FBXL2: variants seen among roughly 807,000 people sequenced by gnomAD.
The protein encoded by FBXL2 is F-box/LRR-repeat protein 2.
In FBXL2, 38 loss-of-function variants were observed where a neutral mutation model predicts 69.2. The observed-to-expected ratio is 0.55, with a 90% confidence interval of 0.42 to 0.72. FBXL2 has a LOEUF of 0.72. FBXL2 is among the 30% of genes least tolerant of loss of function. FBXL2 has a pLI of 0.00. For synonymous variants in FBXL2, 192 were observed against 201.3 expected (o/e 0.95, Z 0.39); for missense variants, 354 against 520.3 (o/e 0.68, Z 3.11).
intron 2 of FBXL2, among the ~76,000 whole-genome samples, chr3:33,348,761 T>C (rs986124871): frequency 6.6e-6 from 1 of 152,210 alleles, no homozygotes; most frequent in East Asian, 1.9e-4. Flanking sequence ...TATCTTTCTG[T>C]TTTTTTGTGT....
At chr3:33,406,148 C>T (rs1190576436), downstream of FBXL2, among the ~76,000 whole-genome samples, 1 of 152,168 alleles carries the variant, frequency 6.6e-6, no homozygotes, top group Non-Finnish European at 1.5e-5. Context: ...TGATGGCACA[C>T]ACACACCTGT....
downstream of FBXL2, chr3:33,392,220 C>G (rs1415675634): frequency 4.9e-6 from 1 of 205,064 alleles, no homozygotes; most frequent in Non-Finnish European, 9.7e-6. Context: ...TTGTGTATCT[C>G]TTGGCCAATT....
intron 2 of FBXL2, among the ~76,000 whole-genome samples, chr3:33,328,356 A>G (rs1401839291): frequency 6.6e-6 from 1 of 152,166 alleles, no homozygotes; most frequent in Non-Finnish European, 1.5e-5. Flanking sequence ...AAATCCTAAC[A>G]TTTATATGGA....
At chr3:33,380,580 A>G (rs1356529868) in intron 13 of FBXL2, among the ~76,000 whole-genome samples, 1 of 149,144 alleles carries the variant, frequency 6.7e-6, no homozygotes, top group Non-Finnish European at 1.5e-5. Flanking sequence ...AAAAAGTACC[A>G]GGAATATGAG....
chr3:33,309,727 A>C (rs2037024037), intron 2 of FBXL2, among the ~76,000 whole-genome samples: 1 of 151,808 alleles, frequency 6.6e-6, no homozygotes, highest in Non-Finnish European at 1.5e-5. Context: ...TGATTATATG[A>C]TTTTTCTGTA....
intron 5 of FBXL2, among the ~76,000 whole-genome samples, chr3:33,371,296 C>G (rs779815623): frequency 6.6e-6 from 1 of 150,936 alleles, no homozygotes; most frequent in Non-Finnish European, 1.5e-5. Flanking sequence ...TCCCAAGCAG[C>G]TGGAACTACA....
At position 33,351,123 on chromosome 3, in the gene FBXL2, C is replaced by A. The variant is rs565222745; in HGVS notation, c.66-7844C>A. ...TCTACCAAAAAATACAAAAATTAGC[C>A]GGGCATGGTGGTGGTAGCTGTAATC... On this transcript the variant is annotated intron_variant, in intron 2 of 14. Coordinates refer to ENST00000484457, the MANE Select transcript of FBXL2 (RefSeq NM_012157.5). 9.9e-5 allele frequency among the ~76,000 whole-genome samples: 15 copies of A among 151,974 alleles called. No individual in the cohort carries two copies. In the South Asian group the frequency reaches 3.1e-3, roughly 32 times the overall value.
the FBXL2 span, among the ~76,000 whole-genome samples, chr3:33,413,553 A>G: frequency 6.6e-6 from 1 of 151,886 alleles, no homozygotes; most frequent in African/African-American, 2.4e-5. Context: ...TCACAAAAAA[A>G]AAAAAAAAAA....
intron 5 of FBXL2, among the ~76,000 whole-genome samples, chr3:33,368,707 C>T (rs2042105290): frequency 6.6e-6 from 1 of 152,034 alleles, no homozygotes; most frequent in Non-Finnish European, 1.5e-5. Flanking sequence ...TCTCCTCAGC[C>T]TTCCGAGTAG....
chr3:33,328,223 C>T (rs1453873449), intron 2 of FBXL2, among the ~76,000 whole-genome samples: 1 of 152,122 alleles, frequency 6.6e-6, no homozygotes, highest in Non-Finnish European at 1.5e-5. Context: ...AATGGAAAGA[C>T]ATCCCATGCT....
At position 33,385,718 on chromosome 3, in the gene FBXL2, G is replaced by A; in HGVS notation, c.*110G>A. 2 of 828,274 alleles carry A rather than the reference G, an allele frequency of 2.4e-6. No homozygotes were observed. Among genetic ancestry groups the A allele is most frequent in the Non-Finnish European group, 4.0e-6 (2 of 497,560 alleles). 51.3% of individuals were successfully genotyped at this position (828,274 alleles called of 1,614,324 possible). On this transcript the variant is annotated 3_prime_UTR_variant, in exon 15 of 15. Coordinates refer to ENST00000484457, the MANE Select transcript of FBXL2 (RefSeq NM_012157.5). ...AATCTGTTGATTCTCCATTGGGAAA[G>A]GCATTTACAGGTAAAAGACTTCTGT...
chr3:33,344,217 A>G (rs1387698773), intron 2 of FBXL2, among the ~76,000 whole-genome samples: 1 of 152,080 alleles, frequency 6.6e-6, no homozygotes, highest in Admixed American at 6.5e-5. Context: ...ACAAAATGCA[A>G]ATAAATATCA....
intron 14 of FBXL2, among the ~76,000 whole-genome samples, 172 bp from the exon 15 acceptor site, chr3:33,385,329 T>TG (rs1479957682): frequency 6.6e-6 from 1 of 152,074 alleles, no homozygotes; most frequent in African/African-American, 2.4e-5. Context: ...AAGGTACTAA[T>TG]GGGGGGCAGA....
intron 2 of FBXL2, among the ~76,000 whole-genome samples, chr3:33,342,156 T>C (rs1205977603): frequency 1.3e-5 from 2 of 151,062 alleles, no homozygotes; most frequent in African/African-American, 2.4e-5. Context: ...AGGTGCCTGA[T>C]ACTACGCCCG....
rs532964825 is a variant in FBXL2 at position 33,323,469 on chromosome 3, C to T, written c.65+25744C>T. Among the ~76,000 whole-genome samples, 33 of 152,260 alleles carry T rather than the reference C, an allele frequency of 2.2e-4. No homozygotes were observed. In the South Asian group the frequency reaches 5.6e-3, roughly 26 times the overall value. ...ATGATATCCCTCCCCTTCCCCCCGA[C>T]GCCCAACAGGCCCCATTGTGTGATG... On this transcript the variant is annotated intron_variant, in intron 2 of 14. Transcript: ENST00000484457.
chr3:33,361,969 A>G (rs1227393826), intron 4 of FBXL2, among the ~76,000 whole-genome samples: 1 of 152,204 alleles, frequency 6.6e-6, no homozygotes, highest in Non-Finnish European at 1.5e-5. Flanking sequence ...GATCAGGATC[A>G]ACACACTAAT....
intron 1 of FBXL2, among the ~76,000 whole-genome samples, chr3:33,291,189 A>G (rs1457842567): frequency 6.6e-6 from 1 of 152,166 alleles, no homozygotes. Flanking sequence ...CTTACCTCCC[A>G]AAGTATTGGA....
chr3:33,283,407 C>T (rs907961298), intron 1 of FBXL2, among the ~76,000 whole-genome samples: 2 of 152,154 alleles, frequency 1.3e-5, no homozygotes, highest in East Asian at 1.9e-4. Flanking sequence ...CCAACTTGAT[C>T]GTGTTGGATA....
At chr3:33,378,180 C>G (rs991615201) in intron 12 of FBXL2, 33 bp downstream of exon 12, 4 of 1,607,128 alleles carry the variant, frequency 2.5e-6, no homozygotes, top group Non-Finnish European at 3.4e-6. Flanking sequence ...TGCAGGGCAG[C>G]CTGCTCCTTA....
Sources: allele counts gnomAD v4.1 joint callset (sites outside exome capture counted in the v4.1 genomes callset), GRCh38; gene constraint gnomAD v4.1.1; transcripts MANE v1.5; gene names NCBI Gene and HGNC (gene_info 2026-07-23, HGNC 2026-07-21).